Variants in CCSER1 observed in about 807,000 individuals in gnomAD.
The protein encoded by CCSER1 is coiled-coil serine rich protein 1.
Under a neutral mutation model 82.0 loss-of-function variants are expected in CCSER1, and 41 were observed. The ratio of observed to expected loss-of-function variants is 0.50; its 90% CI spans 0.39 to 0.65. The LOEUF is 0.65. Ranked by LOEUF, CCSER1 falls within the 30% of genes least tolerant of loss-of-function variation. The pLI, the probability that CCSER1 is intolerant of heterozygous loss-of-function variation, is 0.00. For synonymous variants in CCSER1, 414 were observed against 383.9 expected (o/e 1.08, Z -0.92); for missense variants, 1,119 against 1,064.2 (o/e 1.05, Z -0.72).
intron 10 of CCSER1, among the ~76,000 whole-genome samples, chr4:91,405,741 G>A (rs182764232): frequency 9.2e-5 from 14 of 152,174 alleles, no homozygotes; most frequent in Non-Finnish European, 1.9e-4. Flanking sequence ...CAGTATTAGG[G>A]TAAGAGTGTC....
At chr4:91,482,187 G>T (rs1175398170) in intron 10 of CCSER1, among the ~76,000 whole-genome samples, 5 of 149,546 alleles carry the variant, frequency 3.3e-5, no homozygotes, top group Admixed American at 1.3e-4. Flanking sequence ...TGGATCATGA[G>T]GTCAGGAGAT....
At chr4:90,980,087 G>T (rs1735973796) in intron 9 of CCSER1, among the ~76,000 whole-genome samples, 1 of 151,802 alleles carries the variant, frequency 6.6e-6, no homozygotes, top group Non-Finnish European at 1.5e-5. Flanking sequence ...TGCTATTTTG[G>T]ATAGAATGCT....
intron 1 of CCSER1, among the ~76,000 whole-genome samples, chr4:90,173,939 C>T (rs1290132615): frequency 6.6e-6 from 1 of 151,904 alleles, no homozygotes; most frequent in African/African-American, 2.4e-5. Flanking sequence ...TAAATTGTAC[C>T]TGTACCATTT....
intron 9 of CCSER1, among the ~76,000 whole-genome samples, chr4:91,035,776 TTTAA>T (rs1741381041): frequency 6.6e-6 from 1 of 152,192 alleles, no homozygotes; most frequent in African/African-American, 2.4e-5. Flanking sequence ...CAACTCAATG[TTTAA>T]TTGTGGGTTT....
At chr4:91,565,596 C>A (rs1560767749) in intron 10 of CCSER1, among the ~76,000 whole-genome samples, 1 of 151,642 alleles carries the variant, frequency 6.6e-6, no homozygotes, top group Non-Finnish European at 1.5e-5. Flanking sequence ...TTTATTATTT[C>A]ATTGTAGAGA....
intron 8 of CCSER1, among the ~76,000 whole-genome samples, chr4:90,865,342 T>C (rs987627144): frequency 3.3e-5 from 5 of 152,174 alleles, no homozygotes; most frequent in Admixed American, 3.3e-4. Context: ...GTAGAGCTAT[T>C]TCATTTCAGT....
intron 1 of CCSER1, among the ~76,000 whole-genome samples, chr4:90,161,324 T>C (rs375958880): frequency 5.3e-5 from 8 of 152,186 alleles, no homozygotes; most frequent in East Asian, 1.9e-4. Flanking sequence ...TTTCAGGTAC[T>C]GTTCTAATGT....
chr4:90,335,227 T>G (rs1740158139), intron 3 of CCSER1, among the ~76,000 whole-genome samples: 1 of 152,218 alleles, frequency 6.6e-6, no homozygotes, highest in African/African-American at 2.4e-5. Flanking sequence ...AAATACGTCA[T>G]GGCAAAGAAA....
At chr4:91,284,923 C>T (rs139063355) in intron 10 of CCSER1, among the ~76,000 whole-genome samples, 289 of 152,124 alleles carry the variant, frequency 1.9e-3, no homozygotes, top group East Asian at 0.011. Flanking sequence ...CATGATAAAG[C>T]TGCCCCAACA....
At chr4:91,531,714 G>T (rs915253030) in intron 10 of CCSER1, among the ~76,000 whole-genome samples, 1 of 152,128 alleles carries the variant, frequency 6.6e-6, no homozygotes, top group African/African-American at 2.4e-5. Flanking sequence ...CTTGCTCTCT[G>T]CTTCTAAGAT....
intron 8 of CCSER1, among the ~76,000 whole-genome samples, chr4:90,819,333 T>C (rs1202744145): frequency 1.3e-5 from 2 of 152,300 alleles, no homozygotes; most frequent in African/African-American, 4.8e-5. Flanking sequence ...CTTCAATACA[T>C]GAATTGTGGA....
At chr4:90,712,510 A>G (rs1463879417) in intron 6 of CCSER1, among the ~76,000 whole-genome samples, 5 of 151,874 alleles carry the variant, frequency 3.3e-5, no homozygotes, top group Admixed American at 1.3e-4. Flanking sequence ...TAGTTTTTTT[A>G]TGATTTAAAA....
At chr4:91,024,118 C>T (rs1418269450) in intron 9 of CCSER1, among the ~76,000 whole-genome samples, 1 of 152,088 alleles carries the variant, frequency 6.6e-6, no homozygotes, top group Admixed American at 6.6e-5. Context: ...CCCGTGATAA[C>T]CCATTAATCC....
chr4:90,295,234 A>G (rs765606411), intron 1 of CCSER1, among the ~76,000 whole-genome samples: 1 of 151,974 alleles, frequency 6.6e-6, no homozygotes, highest in Non-Finnish European at 1.5e-5. Flanking sequence ...TTATTTTTTC[A>G]TTTTATACTT....
intron 1 of CCSER1, among the ~76,000 whole-genome samples, chr4:90,166,920 A>G (rs1239868602): frequency 6.6e-6 from 1 of 151,862 alleles, no homozygotes; most frequent in African/African-American, 2.4e-5. Context: ...GTCTTTTTTT[A>G]GTTTCTTTTA....
intron 5 of CCSER1, among the ~76,000 whole-genome samples, chr4:90,595,645 G>T (rs1783237117): frequency 6.6e-6 from 1 of 151,862 alleles, no homozygotes; most frequent in Non-Finnish European, 1.5e-5. Flanking sequence ...GGTGGTTCTG[G>T]TCTTAATTCA....
In CCSER1 at chr4:91,475,385, C is replaced by T. The variant is rs191680821; in HGVS notation, c.2218-123187C>T. On this transcript the variant is annotated intron_variant, in intron 10 of 10. Coordinates refer to ENST00000509176, the MANE Select transcript of CCSER1 (RefSeq NM_001145065.2). ...GAGCAGATATGAGGTTGATATGGTA[C>T]GAAGGCGCACATTTAATATTGGAGT... Among the ~76,000 whole-genome samples, 498 of 151,904 alleles carry T rather than the reference C, an allele frequency of 3.3e-3. 3 individuals carry two copies. The highest frequency in any genetic ancestry group is 0.014 in the Middle Eastern group (4 of 294).
chr4:90,320,536 C>A (rs1736956837), intron 3 of CCSER1, among the ~76,000 whole-genome samples: 1 of 151,984 alleles, frequency 6.6e-6, no homozygotes, highest in Non-Finnish European at 1.5e-5. Context: ...ATAAACTGGC[C>A]ATACAATGAG....
At chr4:91,038,116 C>T (rs1199650406) in intron 9 of CCSER1, among the ~76,000 whole-genome samples, 1 of 152,032 alleles carries the variant, frequency 6.6e-6, no homozygotes, top group Non-Finnish European at 1.5e-5. Context: ...TCTTTACCAG[C>T]CAGGCAGAGA....
Sources: gnomAD v4.1 joint callset for allele counts (sites outside exome capture counted in the v4.1 genomes callset) on GRCh38, gnomAD v4.1.1 for gene constraint, MANE v1.5 for transcripts, NCBI Gene and HGNC (gene_info 2026-07-23, HGNC 2026-07-21) for gene names.